The following IL1RAPL2 variants were observed in gnomAD, a reference collection of about 807,000 sequenced individuals.
IL1RAPL2 encodes interleukin 1 receptor accessory protein like 2.
In IL1RAPL2, 3 loss-of-function variants were observed where a neutral mutation model predicts 44.1. The observed-to-expected ratio is 0.07, with a 90% CI of 0.03 to 0.18. The LOEUF is 0.18. Among genes scored for constraint, IL1RAPL2 ranks in the 10% least tolerant of loss-of-function variants. IL1RAPL2 has a pLI of 1.00. For missense variants in IL1RAPL2, 391 were observed against 496.4 expected, an observed-to-expected ratio of 0.79 and a Z score of 2.02; for synonymous variants, 181 against 178.8, an observed-to-expected ratio of 1.01 and a Z score of -0.10.
chrX:104,881,103 C>G (rs868492806), intron 2 of IL1RAPL2, among the ~76,000 whole-genome samples: 5 of 111,024 alleles, frequency 4.5e-5, no homozygotes, highest in South Asian at 7.5e-4. Context: ...TTTTACATAA[C>G]GTAAAATTTT....
chrX:105,071,154 AT>A (rs1311123233), intron 2 of IL1RAPL2, among the ~76,000 whole-genome samples: 1 of 111,973 alleles, frequency 8.9e-6, no homozygotes, highest in Non-Finnish European at 1.9e-5. Context: ...TAAAGACTCC[AT>A]GAAAAACTGT....
At chrX:104,585,906 C>G (rs142820520) in intron 1 of IL1RAPL2, among the ~76,000 whole-genome samples, 1 of 110,955 alleles carries the variant, frequency 9.0e-6, no homozygotes, top group East Asian at 2.9e-4. Flanking sequence ...AATGAACATG[C>G]GTATGAATGT....
At chrX:104,945,843 G>C (rs1195846354) in intron 2 of IL1RAPL2, among the ~76,000 whole-genome samples, 1 of 110,874 alleles carries the variant, frequency 9.0e-6, no homozygotes, top group Non-Finnish European at 1.9e-5. Flanking sequence ...GTGTTAATGT[G>C]CTCCAAACTA....
chrX:105,303,701 A>G (rs913605486), intron 5 of IL1RAPL2, among the ~76,000 whole-genome samples: 1 of 112,278 alleles, frequency 8.9e-6, no homozygotes, highest in Admixed American at 9.4e-5. Flanking sequence ...ACAAGTCAAA[A>G]TTCTGAAACC....
chrX:105,673,663 T>A (rs2037843514), intron 6 of IL1RAPL2, among the ~76,000 whole-genome samples: 1 of 112,052 alleles, frequency 8.9e-6, no homozygotes, highest in South Asian at 3.7e-4. Context: ...GAATCATTTT[T>A]ATTTCTTTGG....
intron 1 of IL1RAPL2, among the ~76,000 whole-genome samples, chrX:104,596,233 G>A (rs1346604955): frequency 9.0e-6 from 1 of 111,322 alleles, no homozygotes. Context: ...TAACTCATTT[G>A]CCACAATTCT....
chrX:105,081,202 C>T (rs896408101), intron 2 of IL1RAPL2, among the ~76,000 whole-genome samples: 30 of 110,883 alleles, frequency 2.7e-4, no homozygotes, highest in African/African-American at 8.5e-4. Context: ...ATTTAAATAC[C>T]CTTTATTTCT....
At chrX:104,936,548 G>GA (rs1925030949) in intron 2 of IL1RAPL2, among the ~76,000 whole-genome samples, 1 of 109,044 alleles carries the variant, frequency 9.2e-6, no homozygotes, top group Admixed American at 9.9e-5. Context: ...ATCTATAGAA[G>GA]CAAAAATATT....
chrX:105,384,972 A>C (rs1250984337), intron 5 of IL1RAPL2, among the ~76,000 whole-genome samples: 1 of 111,323 alleles, frequency 9.0e-6, no homozygotes, highest in Non-Finnish European at 1.9e-5. Context: ...AACTTTACTG[A>C]ATTTGTTTAT....
chrX:105,346,428 A>G (rs1238231432), intron 5 of IL1RAPL2, among the ~76,000 whole-genome samples: 3 of 112,422 alleles, frequency 2.7e-5, no homozygotes, highest in African/African-American at 9.7e-5. Context: ...TCCCTGTACT[A>G]GTATAACTCA....
rs1569452479 is a variant in IL1RAPL2, at chrX:105,542,726, TATTTAATTTATTA to T, written c.772+58340_772+58352del. Among the ~76,000 whole-genome samples the T allele has an allele frequency of 9.3e-5, 9 of 96,305 alleles. 1 individual carries two copies. Among genetic ancestry groups the T allele is most frequent in the Non-Finnish European group, 1.5e-4 (7 of 46,484 alleles). The allele number at this position is 96,305 out of a possible 115,157, so 83.6% of individuals were successfully genotyped here. A position where few individuals can be genotyped will look rare whatever the true frequency, so the allele number is the denominator to read the frequency against. ...TTATTTATTTATTTATTTATTTATT[TATTTAATTTATTA>T]TTTTTTTTTTTTGAGACGGAGTCTC... On this transcript the variant is annotated intron_variant, in intron 6 of 10. Coordinates refer to ENST00000372582, the MANE Select transcript of IL1RAPL2 (RefSeq NM_017416.2).
intron 6 of IL1RAPL2, among the ~76,000 whole-genome samples, chrX:105,516,279 C>T (rs775387727): frequency 1.8e-5 from 2 of 112,215 alleles, no homozygotes; most frequent in East Asian, 2.8e-4. Context: ...ATTCTTCTTG[C>T]ATTGGACAGG....
chrX:104,664,403 C>T (rs1416818966), intron 2 of IL1RAPL2, among the ~76,000 whole-genome samples: 1 of 111,292 alleles, frequency 9.0e-6, no homozygotes, highest in Non-Finnish European at 1.9e-5. Context: ...CTCAATAATA[C>T]TACTGGGCTC....
At chrX:105,256,787 T>G (rs2034319192) in intron 4 of IL1RAPL2, among the ~76,000 whole-genome samples, 1 of 111,267 alleles carries the variant, frequency 9.0e-6, no homozygotes, top group African/African-American at 3.3e-5. Context: ...CTGATGGGGG[T>G]TTTTATTTCT....
chrX:104,938,632 G>C (rs1005756838), intron 2 of IL1RAPL2, among the ~76,000 whole-genome samples: 2 of 108,892 alleles, frequency 1.8e-5, no homozygotes, highest in African/African-American at 6.7e-5. Context: ...CTAGTTTAGT[G>C]AGCAGGTTCA....
chrX:104,703,548 C>T (rs1277804459), intron 2 of IL1RAPL2, among the ~76,000 whole-genome samples: 1 of 112,111 alleles, frequency 8.9e-6, no homozygotes, highest in Non-Finnish European at 1.9e-5. Context: ...ATCACCAGCA[C>T]CTAGTAAAAA....
At chrX:105,360,589 G>C (rs1476935097) in intron 5 of IL1RAPL2, among the ~76,000 whole-genome samples, 1 of 110,963 alleles carries the variant, frequency 9.0e-6, no homozygotes, top group Non-Finnish European at 1.9e-5. Context: ...TAGATAGGGT[G>C]GTCAGGAGAG....
chrX:105,209,875 A>C (rs1280410463), intron 3 of IL1RAPL2, among the ~76,000 whole-genome samples: 1 of 111,719 alleles, frequency 9.0e-6, no homozygotes, highest in Non-Finnish European at 1.9e-5. Flanking sequence ...CCAGAGAGAT[A>C]AGTGTCTGGT....
intron 2 of IL1RAPL2, among the ~76,000 whole-genome samples, chrX:105,125,917 A>G (rs1473425120): frequency 9.0e-6 from 1 of 111,181 alleles, no homozygotes; most frequent in African/African-American, 3.3e-5. Context: ...ATAAATAAAT[A>G]TGAAAATAAT....
Sources: allele counts gnomAD v4.1 joint callset (sites outside exome capture counted in the v4.1 genomes callset), GRCh38; gene constraint gnomAD v4.1.1; transcripts MANE v1.5; gene names NCBI Gene and HGNC (gene_info 2026-07-23, HGNC 2026-07-21).